ZNF536: variants seen among roughly 807,000 people sequenced by gnomAD.
ZNF536 encodes zinc finger protein 536.
ZNF536 carries 13 observed loss-of-function variants against 84.5 expected under a neutral mutation model. That is an observed-to-expected ratio of 0.15 (90% CI 0.10 to 0.24). The LOEUF (loss-of-function observed/expected upper bound fraction) is 0.24. ZNF536 is among the 10% of genes least tolerant of loss of function. The pLI is 1.00. For synonymous variants in ZNF536, 811 were observed against 742.5 expected, an observed-to-expected ratio of 1.09 and a Z score of -1.50; for missense variants, 1,536 against 1,747.5, an observed-to-expected ratio of 0.88 and a Z score of 2.16.
intron 1 of ZNF536, among the ~76,000 whole-genome samples, chr19:30,597,626 G>A (rs552258348): frequency 3.9e-5 from 6 of 152,224 alleles, no homozygotes; most frequent in Non-Finnish European, 7.4e-5. Flanking sequence ...TTGCTGTCTT[G>A]GTTTCTAAAT....
chr19:30,433,483 G>A (rs780909137), intron 1 of ZNF536, among the ~76,000 whole-genome samples: 3 of 152,176 alleles, frequency 2.0e-5, no homozygotes, highest in African/African-American at 4.8e-5. Flanking sequence ...GACAACAGGA[G>A]CATTTGTTTG....
intron 1 of ZNF536, among the ~76,000 whole-genome samples, chr19:30,249,407 G>A (rs779458929): frequency 1.3e-5 from 2 of 151,984 alleles, no homozygotes; most frequent in Non-Finnish European, 2.9e-5. Context: ...ATTTTAACAC[G>A]CCCTTGTGGC....
chr19:30,237,690 T>C (rs942824237), intron 1 of ZNF536, among the ~76,000 whole-genome samples: 1 of 152,204 alleles, frequency 6.6e-6, no homozygotes, highest in African/African-American at 2.4e-5. Flanking sequence ...GGATTCTTTG[T>C]GTGCATTTTG....
At position 30,672,917 on chromosome 19, in the gene ZNF536, C is replaced by T. The variant is rs563731442; in HGVS notation, c.170-37840C>T. ...TATGTGGACAACCTCAAGAAAGCTG[C>T]GGTGTTTATAAGCCAGCCCCTATCC... On this transcript the variant is annotated intron_variant, in intron 1 of 1. Coordinates refer to the ZNF536 transcript ENST00000592773. Among the ~76,000 whole-genome samples, 6 of 152,190 alleles carry T rather than the reference C, an allele frequency of 3.9e-5. No individual in the cohort carries two copies. The South Asian group carries it at 6.2e-4, about 16-fold the overall frequency.
At chr19:30,459,745 C>T (rs773664805) in intron 2 of ZNF536, among the ~76,000 whole-genome samples, 15 of 152,070 alleles carry the variant, frequency 9.9e-5, no homozygotes, top group South Asian at 6.2e-4. Flanking sequence ...ATCCCTAGTG[C>T]GATGTTGGGA....
chr19:30,674,020 C>T (rs146917420), intron 1 of ZNF536, among the ~76,000 whole-genome samples: 230 of 152,298 alleles, frequency 1.5e-3, no homozygotes, highest in African/African-American at 5.2e-3. Flanking sequence ...TTCAGATGGT[C>T]AGATTTATGG....
rs201588239 is a variant in ZNF536 at position 30,691,423 on chromosome 19, T to A, written c.170-19334T>A. 3.0e-5 allele frequency among the ~76,000 whole-genome samples: 4 copies of A among 132,918 alleles called. No homozygotes were observed. The East Asian group carries it at 9.8e-4, about 33-fold the overall frequency. The allele number at this position is 132,918 out of a possible 152,430, so 87.2% of individuals were successfully genotyped here. ...CACCGAGACATTCCTCAACTGTTAATCAAATTGGGGCTGAGGGTGAGGGGG... is the reference window on the plus strand; with the variant it reads ...CACCGAGACATTCCTCAACTGTTAAACAAATTGGGGCTGAGGGTGAGGGGG... On this transcript the variant is annotated intron_variant, in intron 1 of 1. Transcript: ENST00000592773.
chr19:30,706,881 A>G (rs1233777852), intron 1 of ZNF536, among the ~76,000 whole-genome samples: 1 of 152,214 alleles, frequency 6.6e-6, no homozygotes. Flanking sequence ...TAGAAAATAC[A>G]GTCCATTTCA....
At chr19:30,495,273 A>G (rs981125025) in intron 2 of ZNF536, among the ~76,000 whole-genome samples, 11 of 152,288 alleles carry the variant, frequency 7.2e-5, no homozygotes, top group Middle Eastern at 3.4e-3. Context: ...GCAAGTGAAG[A>G]CTCCAGTGCC....
rs772122626 is a variant in ZNF536 at position 30,548,699 on chromosome 19, A to G, written c.3080A>G (p.Lys1027Arg). ...ALHLQANHLG[K>R]AKRKDNTIGV... ...CATCTCCAGGCCAACCACCTGGGCA[A>G]AGCGAAACGCAAAGATAACACCATC... Residue 1027 changes from lysine to arginine, a missense_variant, in exon 4 of 5, where the codon AAA (lysine) becomes AGA (arginine). Lys to Arg is a conservative substitution (Grantham distance 26, BLOSUM62 2). This residue lies in a region of ZNF536 where 624 missense variants were observed against 603.1 expected (regional missense o/e 1.03). Coordinates refer to ENST00000355537, the MANE Select transcript of ZNF536 (RefSeq NM_014717.3). The G allele has an allele frequency of 6.2e-7, 1 of 1,614,026 alleles. No homozygotes were observed. The highest frequency in any genetic ancestry group is 1.1e-5 in the South Asian group (1 of 91,082).
At chr19:30,661,888 T>C (rs1314179749) in intron 1 of ZNF536, among the ~76,000 whole-genome samples, 1 of 149,042 alleles carries the variant, frequency 6.7e-6, no homozygotes, top group African/African-American at 2.4e-5. Flanking sequence ...TGGAGTGAAT[T>C]TACATTCAGA....
chr19:30,566,297 T>C (rs1474482192), intron 1 of ZNF536, among the ~76,000 whole-genome samples: 1 of 152,090 alleles, frequency 6.6e-6, no homozygotes, highest in Non-Finnish European at 1.5e-5. Flanking sequence ...CCCCAAAATA[T>C]CTCCATGCCC....
chr19:30,255,276 G>A (rs564927459), intron 1 of ZNF536, among the ~76,000 whole-genome samples: 4 of 152,252 alleles, frequency 2.6e-5, no homozygotes, highest in Admixed American at 2.0e-4. Context: ...AGAGCTTGGG[G>A]TGGTGAGAAG....
chr19:30,281,232 G>A (rs1024252298), intron 1 of ZNF536, among the ~76,000 whole-genome samples: 7 of 151,986 alleles, frequency 4.6e-5, no homozygotes, highest in African/African-American at 1.5e-4. Flanking sequence ...CTCCCTCCTC[G>A]CTCCCCAGCA....
chr19:30,579,488 G>T (rs2046847390), intron 1 of ZNF536, among the ~76,000 whole-genome samples: 1 of 152,152 alleles, frequency 6.6e-6, no homozygotes, highest in Non-Finnish European at 1.5e-5. Flanking sequence ...ATCTCCAGCA[G>T]GTTAGCCTGG....
intron 1 of ZNF536, among the ~76,000 whole-genome samples, chr19:30,614,016 C>A (rs1276206007): frequency 5.9e-5 from 9 of 152,192 alleles, no homozygotes; most frequent in Non-Finnish European, 1.0e-4. Context: ...GTGCGTGCCA[C>A]CATGCCCAGC....
intron 1 of ZNF536, among the ~76,000 whole-genome samples, chr19:30,374,627 G>T (rs1418898716): frequency 6.6e-6 from 1 of 152,134 alleles, no homozygotes; most frequent in Non-Finnish European, 1.5e-5. Context: ...TTTGCGCAAA[G>T]ACAAAGGGGG....
chr19:30,302,246 G>A (rs1344350001), intron 2 of ZNF536, among the ~76,000 whole-genome samples: 7 of 152,122 alleles, frequency 4.6e-5, no homozygotes, highest in Admixed American at 3.3e-4. Flanking sequence ...GCAAGTCCTC[G>A]GGAGATGGGA....
Position 30,508,033 on chromosome 19 carries a change from G to A in ZNF536, c.2171-26814G>A, listed in dbSNP as rs572970403. 2.0e-3 allele frequency among the ~76,000 whole-genome samples: 298 copies of A among 152,290 alleles called. 1 individual carries two copies. Among genetic ancestry groups the A allele is most frequent in the African/African-American group, 7.0e-3 (291 of 41,560 alleles). ...GTAAATATATGTTCATTAAATGGAA[G>A]AATGAGTGAGGCCTCTCCCAGAACT... On this transcript the variant is annotated intron_variant, in intron 2 of 4. Coordinates refer to ENST00000355537, the MANE Select transcript of ZNF536 (RefSeq NM_014717.3).
Sources: allele counts gnomAD v4.1 joint callset (sites outside exome capture counted in the v4.1 genomes callset), GRCh38; gene constraint gnomAD v4.1.1; regional missense constraint gnomAD v4.1.1; transcripts MANE v1.5; gene names NCBI Gene and HGNC (gene_info 2026-07-23, HGNC 2026-07-21).